The following DTX1 variants were observed in gnomAD, a reference collection of about 807,000 sequenced individuals.
DTX1 encodes deltex E3 ubiquitin ligase 1.
DTX1 carries 26 observed loss-of-function variants against 57.8 expected under a neutral mutation model. The observed-to-expected ratio is 0.45, with a 90% CI of 0.33 to 0.62. The LOEUF (loss-of-function observed/expected upper bound fraction) is 0.62, where lower values mean the gene tolerates loss of function less well. DTX1 is among the 20% of genes least tolerant of loss of function. The pLI is 0.02. For missense variants in DTX1, 704 were observed against 895.3 expected (o/e 0.79, Z 2.73); for synonymous variants, 398 against 394.1 (o/e 1.01, Z -0.12).
At chr12:113,078,561 C>T (rs929454786) in intron 3 of DTX1, among the ~76,000 whole-genome samples, 5 of 152,168 alleles carry the variant, frequency 3.3e-5, no homozygotes, top group Non-Finnish European at 5.9e-5. Flanking sequence ...TCATTTATTC[C>T]ACCAAACAGT....
rs2044635465 is a variant in DTX1, at chr12:113,057,593, AC to A, written c.-597del. On this transcript the variant is annotated 5_prime_UTR_variant, in exon 2 of 10. Coordinates refer to ENST00000548759, the MANE Select transcript of DTX1 (RefSeq NM_004416.3). ...CCCCTCCCCCGTGCGTTCTGCGGCC[AC>A]CCAGGCCTTCCAGGACACCGTGGAG... The A allele has an allele frequency of 6.7e-6, 1 of 150,030 alleles. No homozygotes were observed. The highest frequency in any genetic ancestry group is 1.5e-5 in the Non-Finnish European group (1 of 67,936). 9.3% of individuals were successfully genotyped at this position (150,030 alleles called of 1,614,324 possible).
At chr12:113,076,436 C>T (rs1363949395) in intron 2 of DTX1, among the ~76,000 whole-genome samples, 10 of 138,136 alleles carry the variant, frequency 7.2e-5, no homozygotes, top group Non-Finnish European at 1.5e-4. Flanking sequence ...CCAGCCTGGG[C>T]GACAGAGCAA....
chr12:113,070,727 A>T (rs889693237), intron 2 of DTX1, among the ~76,000 whole-genome samples: 1 of 152,188 alleles, frequency 6.6e-6, no homozygotes, highest in Non-Finnish European at 1.5e-5. Flanking sequence ...CCATCGCTGG[A>T]AGTATCCTAG....
At position 113,093,713 on chromosome 12, in the gene DTX1, C is replaced by T. The variant is rs760031672; in HGVS notation, c.1165+13C>T. ...CACCTTAAAAAGAGTACGCCCTCCACGCCCTGCCTCACACGAGATGAACCC... is the reference window on the plus strand; with the variant it reads ...CACCTTAAAAAGAGTACGCCCTCCATGCCCTGCCTCACACGAGATGAACCC... On this transcript the variant is annotated intron_variant, in intron 5 of 9. Coordinates refer to ENST00000548759, the MANE Select transcript of DTX1 (RefSeq NM_004416.3). The surrounding 1 kb of genome is among the most constrained non-coding windows in gnomAD (Gnocchi z 4.2). 15 of 1,612,198 alleles carry T rather than the reference C, an allele frequency of 9.3e-6. No homozygotes were observed. The highest frequency in any genetic ancestry group is 6.7e-5 in the Admixed American group (4 of 59,888).
chr12:113,071,695 G>T (rs1375978427), intron 2 of DTX1, among the ~76,000 whole-genome samples: 2 of 152,246 alleles, frequency 1.3e-5, no homozygotes, highest in African/African-American at 4.8e-5. Flanking sequence ...TCTTGAGATC[G>T]AAGTCCAGGC....
intron 3 of DTX1, among the ~76,000 whole-genome samples, chr12:113,083,140 G>A (rs1302377630): frequency 2.6e-5 from 4 of 152,076 alleles, no homozygotes. Flanking sequence ...TTCTTAGAAG[G>A]ACATCAGTCC....
intron 3 of DTX1, among the ~76,000 whole-genome samples, chr12:113,088,604 A>G (rs972947793): frequency 6.6e-6 from 1 of 152,274 alleles, no homozygotes; most frequent in East Asian, 1.9e-4. Flanking sequence ...AACTTAAAGT[A>G]TAATTTTAAA....
chr12:113,057,189 C>T (rs1243178114), intron 1 of DTX1, among the ~76,000 whole-genome samples: 1 of 152,012 alleles, frequency 6.6e-6, no homozygotes, highest in East Asian at 1.9e-4. Flanking sequence ...CCCGGCAGGG[C>T]GAGGGCCCCG....
Position 113,077,649 on chromosome 12 carries a change from A to T in DTX1, c.485A>T (p.Gln162Leu). 6.3e-7 allele frequency: 1 copy of T among 1,598,468 alleles called. No homozygotes were observed. The highest frequency in any genetic ancestry group is 1.1e-5 in the South Asian group (1 of 89,966). Residue 162 changes from glutamine to leucine, a missense_variant, in exon 3 of 10, where the codon CAG becomes CTG. Transcript: ENST00000548759. This position sits in a 1 kb window ranked among gnomAD's most constrained non-coding sequence, Gnocchi z 7.8. Reference sequence around the variant, plus strand: ...AACAGCATGTCGCAGATGAACCGCCAGACGCGCCGGCGCCGCCGCCTGCGC... The same window carrying T: ...AACAGCATGTCGCAGATGAACCGCCTGACGCGCCGGCGCCGCCGCCTGCGC... ...YFNSMSQMNRQTRRRRRLRRR... is the reference protein window; with the variant it reads ...YFNSMSQMNRLTRRRRRLRRR...
rs2136059031 is a variant in DTX1, at chr12:113,077,509, C to T, written c.345C>T (p.Gly115=). The change falls in exon 3 of 10, where the codon GGC becomes GGT. Residue 115 remains glycine, a synonymous_variant. Coordinates refer to ENST00000548759, the MANE Select transcript of DTX1 (RefSeq NM_004416.3). This position sits in a 1 kb window ranked among gnomAD's most constrained non-coding sequence, Gnocchi z 7.8. The part of the protein sequence containing the change: ...KGIVWEWEND[G]GAWTAYDMDI... Reference sequence around the variant, plus strand: ...TCGTGTGGGAGTGGGAGAACGACGGCGGCGCATGGACGGCCTACGATATGG... The same window carrying T: ...TCGTGTGGGAGTGGGAGAACGACGGTGGCGCATGGACGGCCTACGATATGG... 3 of 1,611,532 alleles carry T rather than the reference C, an allele frequency of 1.9e-6. No homozygotes were observed. Among genetic ancestry groups the T allele is most frequent in the African/African-American group, 1.3e-5 (1 of 74,982 alleles).
chr12:113,073,179 C>T (rs1218340679), intron 2 of DTX1, among the ~76,000 whole-genome samples: 1 of 152,174 alleles, frequency 6.6e-6, no homozygotes, highest in African/African-American at 2.4e-5. Flanking sequence ...CTTCACCTCA[C>T]CAGGAGCTGA....
At chr12:113,067,635 A>T (rs762303453) in intron 2 of DTX1, among the ~76,000 whole-genome samples, 29 of 152,168 alleles carry the variant, frequency 1.9e-4, no homozygotes, top group Non-Finnish European at 3.4e-4. Flanking sequence ...GGCCAGCATA[A>T]CTCAGCTCCT....
chr12:113,061,762 T>G (rs2044665208), intron 2 of DTX1, among the ~76,000 whole-genome samples: 1 of 151,992 alleles, frequency 6.6e-6, no homozygotes, highest in Non-Finnish European at 1.5e-5. Flanking sequence ...AGTACAGTGG[T>G]GTGATGTCGG....
intron 3 of DTX1, among the ~76,000 whole-genome samples, chr12:113,092,591 A>C (rs540358336): frequency 6.6e-6 from 1 of 152,292 alleles, no homozygotes; most frequent in East Asian, 1.9e-4. Context: ...AAGAGAAAAA[A>C]AATTCATCAC....
At chr12:113,061,712 CT>C (rs1566012730) in intron 2 of DTX1, among the ~76,000 whole-genome samples, 1 of 151,112 alleles carries the variant, frequency 6.6e-6, no homozygotes, top group Non-Finnish European at 1.5e-5. Flanking sequence ...TTTTTTTCTT[CT>C]TTTTTTGAGA....
Position 113,097,220 on chromosome 12 carries a change from C to A in DTX1, c.*281C>A. On this transcript the variant is annotated 3_prime_UTR_variant, in exon 10 of 10. Coordinates refer to ENST00000548759, the MANE Select transcript of DTX1 (RefSeq NM_004416.3). ...CCCCTCACACACAAACACACATGTC[C>A]TGTTGAACTCATGCACGCACACCCA... 1 of 438,428 alleles carries A rather than the reference C, an allele frequency of 2.3e-6. No homozygotes were observed. The highest frequency in any genetic ancestry group is 4.2e-5 in the East Asian group (1 of 23,750). The allele number at this position is 438,428 out of a possible 1,614,324, so 27.2% of individuals were successfully genotyped here.
At position 113,077,272 on chromosome 12, in the gene DTX1, T is replaced by A; in HGVS notation, c.260-152T>A. 1 of 853,200 alleles carries A rather than the reference T, an allele frequency of 1.2e-6. No homozygotes were observed. Among genetic ancestry groups the A allele is most frequent in the Non-Finnish European group, 1.8e-6 (1 of 567,304 alleles). 52.9% of individuals were successfully genotyped at this position (853,200 alleles called of 1,614,324 possible). A position where few individuals can be genotyped will look rare whatever the true frequency, so the allele number is the denominator to read the frequency against. On this transcript the variant is annotated intron_variant, in intron 2 of 9. Coordinates refer to ENST00000548759, the MANE Select transcript of DTX1 (RefSeq NM_004416.3). The surrounding 1 kb of genome is among the most constrained non-coding windows in gnomAD (Gnocchi z 7.8). The stretch of plus-strand genomic sequence containing the variant: ...TTGACCTCCTTCCTCTCCGTGCATG[T>A]GTTGACCCTCTCCCCAAGTCTGGGT...
intron 2 of DTX1, among the ~76,000 whole-genome samples, chr12:113,072,102 G>A (rs1477489132): frequency 6.6e-6 from 1 of 152,112 alleles, no homozygotes; most frequent in African/African-American, 2.4e-5. Flanking sequence ...TCCACCCTGG[G>A]GGCTGCTTGC....
chr12:113,058,802 A>G (rs2044648182), intron 2 of DTX1, among the ~76,000 whole-genome samples: 2 of 152,350 alleles, frequency 1.3e-5, no homozygotes, highest in East Asian at 1.9e-4. Flanking sequence ...ATTGTAGAAT[A>G]AGGGCTTTAC....
Sources: allele counts gnomAD v4.1 joint callset (sites outside exome capture counted in the v4.1 genomes callset), GRCh38; gene constraint gnomAD v4.1.1; non-coding constraint Gnocchi (gnomAD v3.1); transcripts MANE v1.5; gene names NCBI Gene and HGNC (gene_info 2026-07-23, HGNC 2026-07-21).